SLC39A11: variants seen among roughly 807,000 people sequenced by gnomAD.
SLC39A11 encodes zinc transporter ZIP11.
A neutral mutation model predicts 36.1 loss-of-function variants in SLC39A11; 33 were observed. The observed-to-expected ratio is 0.91, with a 90% CI of 0.69 to 1.22. The LOEUF (loss-of-function observed/expected upper bound fraction) is 1.22, where lower values mean the gene tolerates loss of function less well. Ranked by LOEUF, SLC39A11 falls within the 50% of genes most tolerant of loss-of-function variation. SLC39A11 has a pLI of 0.00. For synonymous variants in SLC39A11, 166 were observed against 170.3 expected, an observed-to-expected ratio of 0.97 and a Z score of 0.20; for missense variants, 432 against 430.3, an observed-to-expected ratio of 1.00 and a Z score of -0.03.
chr17:72,729,226 A>T (rs2074054110), intron 7 of SLC39A11, among the ~76,000 whole-genome samples: 1 of 149,954 alleles, frequency 6.7e-6, no homozygotes, highest in Non-Finnish European at 1.5e-5. Context: ...GCCTCAATCC[A>T]ATCCTTTATT....
At chr17:73,055,583 C>T (rs747590036) in intron 3 of SLC39A11, among the ~76,000 whole-genome samples, 1 of 151,968 alleles carries the variant, frequency 6.6e-6, no homozygotes, top group African/African-American at 2.4e-5. Context: ...AGGCACATTG[C>T]CACCATGGCT....
intron 6 of SLC39A11, among the ~76,000 whole-genome samples, chr17:72,740,870 G>A (rs1479220599): frequency 6.6e-6 from 1 of 152,136 alleles, no homozygotes; most frequent in African/African-American, 2.4e-5. Context: ...CGCCTCCCAG[G>A]TTCAAGCGAT....
At chr17:73,030,355 A>C (rs551547659) in intron 4 of SLC39A11, among the ~76,000 whole-genome samples, 32 of 152,310 alleles carry the variant, frequency 2.1e-4, no homozygotes, top group Admixed American at 1.8e-3. Flanking sequence ...AACACAAGGA[A>C]TCTGTTTTAC....
intron 4 of SLC39A11, among the ~76,000 whole-genome samples, chr17:72,961,166 TG>T (rs1292331221): frequency 2.0e-5 from 3 of 152,142 alleles, no homozygotes; most frequent in African/African-American, 7.2e-5. Context: ...ATTAGGACAA[TG>T]GATAAGGCTG....
chr17:72,783,004 C>CAAAAAAAAAAAA (rs34750819), intron 6 of SLC39A11, among the ~76,000 whole-genome samples: 1 of 81,008 alleles, frequency 1.2e-5, no homozygotes, highest in Non-Finnish European at 2.1e-5. Context: ...TCTGTCTCAA[C>CAAAAAAAAAAAA]AAAAAAAAAA....
chr17:72,947,730 C>T (rs772328821), intron 5 of SLC39A11, 22 bp downstream of exon 5: 5 of 1,613,382 alleles, frequency 3.1e-6, no homozygotes. Context: ...AAAGAGCTTG[C>T]CTGAAAGAAG....
chr17:72,861,441 A>G (rs955125656), intron 5 of SLC39A11, among the ~76,000 whole-genome samples: 1 of 151,762 alleles, frequency 6.6e-6, no homozygotes, highest in Non-Finnish European at 1.5e-5. Context: ...CATGTCGTTT[A>G]CTTAGGCTAA....
chr17:72,782,931 G>A (rs1264763346), intron 6 of SLC39A11, among the ~76,000 whole-genome samples: 1 of 150,754 alleles, frequency 6.6e-6, no homozygotes, highest in Non-Finnish European at 1.5e-5. Context: ...GAACCCGGGA[G>A]GCGGAGATTG....
chr17:72,769,695 C>T (rs940677606), intron 6 of SLC39A11, among the ~76,000 whole-genome samples: 5 of 152,096 alleles, frequency 3.3e-5, no homozygotes, highest in Non-Finnish European at 5.9e-5. Flanking sequence ...CAGGTGCGTG[C>T]CACCACACCC....
intron 5 of SLC39A11, among the ~76,000 whole-genome samples, chr17:72,903,094 G>A (rs533534321): frequency 5.1e-4 from 77 of 151,940 alleles, no homozygotes; most frequent in South Asian, 2.5e-3. Flanking sequence ...ATGAAACCCC[G>A]TCTCTACCAA....
intron 6 of SLC39A11, among the ~76,000 whole-genome samples, chr17:72,785,637 G>T (rs2076486558): frequency 6.6e-6 from 1 of 152,204 alleles, no homozygotes; most frequent in Admixed American, 6.5e-5. Flanking sequence ...AGAGGACGTA[G>T]GAAGGGAAGG....
At chr17:72,678,407 T>C in intron 7 of SLC39A11, among the ~76,000 whole-genome samples, 1 of 152,018 alleles carries the variant, frequency 6.6e-6, no homozygotes, top group East Asian at 1.9e-4. Flanking sequence ...TCTCCTTGCT[T>C]TGAAACTCCA....
chr17:73,000,295 TC>T (rs1360685163), intron 4 of SLC39A11, among the ~76,000 whole-genome samples: 1 of 140,834 alleles, frequency 7.1e-6, no homozygotes, highest in Non-Finnish European at 1.5e-5. Context: ...CTCTCTGCCT[TC>T]TCTCTCTCTC....
At chr17:72,745,580 T>A (rs1055240137) in intron 6 of SLC39A11, among the ~76,000 whole-genome samples, 5 of 152,168 alleles carry the variant, frequency 3.3e-5, no homozygotes, top group African/African-American at 1.2e-4. Flanking sequence ...TCTTTCCCTG[T>A]ATGCTGTTGT....
At chr17:72,705,303 CT>C in intron 7 of SLC39A11, among the ~76,000 whole-genome samples, 1 of 152,296 alleles carries the variant, frequency 6.6e-6, no homozygotes, top group East Asian at 1.9e-4. Context: ...CTCCCCCAAC[CT>C]TTATCTTAAA....
At chr17:72,654,377 T>C (rs2070008100) in intron 7 of SLC39A11, among the ~76,000 whole-genome samples, 1 of 152,132 alleles carries the variant, frequency 6.6e-6, no homozygotes, top group African/African-American at 2.4e-5. Flanking sequence ...AAGCGTGTTC[T>C]AACCAGCCCT....
chr17:72,687,427 T>A (rs544136690), intron 7 of SLC39A11, among the ~76,000 whole-genome samples: 1 of 152,288 alleles, frequency 6.6e-6, no homozygotes, highest in East Asian at 1.9e-4. Context: ...GTATTTTTAG[T>A]AGAGATGGGG....
intron 5 of SLC39A11, among the ~76,000 whole-genome samples, chr17:72,895,109 C>T (rs958469187): frequency 4.6e-5 from 7 of 151,474 alleles, no homozygotes; most frequent in African/African-American, 1.5e-4. Flanking sequence ...GGGTGCTAGT[C>T]GCATTGGTGG....
chr17:72,774,048 T>G (rs143905066), intron 6 of SLC39A11, among the ~76,000 whole-genome samples: 1 of 152,194 alleles, frequency 6.6e-6, no homozygotes, highest in Admixed American at 6.5e-5. Context: ...GGGCTTCCAA[T>G]TAACTGCCCT....
Sources: allele counts gnomAD v4.1 joint callset (sites outside exome capture counted in the v4.1 genomes callset), GRCh38; gene constraint gnomAD v4.1.1; transcripts MANE v1.5; gene names NCBI Gene and HGNC (gene_info 2026-07-23, HGNC 2026-07-21).